The following CARS2 variants were observed in gnomAD, a reference collection of about 807,000 sequenced individuals.
CARS2 encodes cysteinyl-tRNA synthetase 2, mitochondrial, also known as probable cysteine--tRNA ligase, mitochondrial.
CARS2 carries 52 observed loss-of-function variants against 68.8 expected under a neutral mutation model. The ratio of observed to expected loss-of-function variants is 0.76; its 90% CI spans 0.61 to 0.95. The LOEUF (loss-of-function observed/expected upper bound fraction) is 0.95, where lower values mean the gene tolerates loss of function less well. Ranked by LOEUF, CARS2 falls within the 40% of genes least tolerant of loss-of-function variation. The pLI is 0.00. For missense variants in CARS2, 780 were observed against 754.2 expected (o/e 1.03, Z -0.40); for synonymous variants, 314 against 303.6 (o/e 1.03, Z -0.36).
chr13:110,644,635 C>T (rs1172258827), intron 12 of CARS2, 152 bp from the exon 13 acceptor site: 14 of 1,342,654 alleles, frequency 1.0e-5, no homozygotes, highest in Non-Finnish European at 1.4e-5. Context: ...GCTCTGGCAT[C>T]GGCTACCTCA....
chr13:110,694,169 G>A (rs111475165), intron 3 of CARS2, among the ~76,000 whole-genome samples: 64 of 151,992 alleles, frequency 4.2e-4, no homozygotes, highest in African/African-American at 1.3e-3. Context: ...TGGGATTACA[G>A]GCATGCACCA....
chr13:110,642,096 G>A (rs1812498296), intron 14 of CARS2, among the ~76,000 whole-genome samples: 1 of 152,192 alleles, frequency 6.6e-6, no homozygotes, highest in Non-Finnish European at 1.5e-5. Context: ...AGCTACTCAG[G>A]AGGCTGAGGC....
intron 11 of CARS2, 92 bp from the exon 12 acceptor site, chr13:110,646,182 G>C: frequency 6.9e-7 from 1 of 1,445,442 alleles, no homozygotes; most frequent in Non-Finnish European, 9.2e-7. Flanking sequence ...AGAGACGCTG[G>C]GGGCTCTAAT....
chr13:110,679,304 C>CG (rs1566710959), intron 6 of CARS2, among the ~76,000 whole-genome samples: 1 of 151,630 alleles, frequency 6.6e-6, no homozygotes, highest in Non-Finnish European at 1.5e-5. Context: ...CCGAGGCGGG[C>CG]GGATCACCTG....
At chr13:110,673,666 C>A (rs1237198765) in intron 7 of CARS2, among the ~76,000 whole-genome samples, 1 of 152,082 alleles carries the variant, frequency 6.6e-6, no homozygotes. Context: ...GACAGGGATG[C>A]CCTCTCTCAC....
chr13:110,705,493 T>C lies in CARS2; in HGVS notation c.275+28A>G. ...TTCAAAAATAAATGGTCCTTTGAAGTATGAAAATTCAAATCCAGGAAACTC... is the reference window on the plus strand; with the variant it reads ...TTCAAAAATAAATGGTCCTTTGAAGCATGAAAATTCAAATCCAGGAAACTC... On this transcript the variant is annotated intron_variant, in intron 2 of 14. Transcript: ENST00000257347. This position sits in a 1 kb window ranked among gnomAD's most constrained non-coding sequence, Gnocchi z 4.0. 1 of 1,542,786 alleles carries C rather than the reference T, an allele frequency of 6.5e-7. No individual in the cohort carries two copies. Among genetic ancestry groups the C allele is most frequent in the Non-Finnish European group, 8.8e-7 (1 of 1,133,916 alleles).
intron 2 of CARS2, among the ~76,000 whole-genome samples, chr13:110,702,295 C>T (rs1183615146): frequency 2.6e-5 from 4 of 152,194 alleles, no homozygotes; most frequent in Admixed American, 2.6e-4. Context: ...CCCTCCCTCT[C>T]CAAACACAGC....
At position 110,641,548 on chromosome 13, in the gene CARS2, A is replaced by C; in HGVS notation, c.1684T>G (p.Ser562Ala). The C allele has an allele frequency of 1.9e-6, 3 of 1,613,634 alleles. No homozygotes were observed. The Middle Eastern group carries it at 4.9e-4, about 266-fold the overall frequency. Residue 562 changes from serine (S) to alanine (A), a missense_variant, in exon 15 of 15, where the codon TCA becomes GCA. Transcript: ENST00000257347. ...LLDQRTKDQK[S>A]AG ...GCTGTGCTCCATCCTCAGCCCGCTGATTTTTGGTCTTTTGTCCTTTGATCC... is the reference window on the plus strand; with the variant it reads ...GCTGTGCTCCATCCTCAGCCCGCTGCTTTTTGGTCTTTTGTCCTTTGATCC...
At chr13:110,654,287 C>T (rs1252907751) in intron 9 of CARS2, among the ~76,000 whole-genome samples, 3 of 152,210 alleles carry the variant, frequency 2.0e-5, no homozygotes, top group African/African-American at 4.8e-5. Flanking sequence ...AAACCATTAT[C>T]TGAGCTCCAG....
At chr13:110,687,052 G>C (rs1284978124) in intron 5 of CARS2, among the ~76,000 whole-genome samples, 1 of 152,158 alleles carries the variant, frequency 6.6e-6, no homozygotes, top group African/African-American at 2.4e-5. Flanking sequence ...GAAGAGAGCA[G>C]GTCTCTGGAG....
intron 3 of CARS2, among the ~76,000 whole-genome samples, chr13:110,697,726 C>T (rs2063664909): frequency 6.6e-6 from 1 of 152,246 alleles, no homozygotes. Context: ...AGCCACTGCA[C>T]CCAGCCACAG....
At chr13:110,708,714 C>T (rs996005314), upstream of CARS2, among the ~76,000 whole-genome samples, 7 of 151,946 alleles carry the variant, frequency 4.6e-5, no homozygotes, top group African/African-American at 1.2e-4. Flanking sequence ...TACAAGTGCA[C>T]ACCACCGTGC....
chr13:110,671,455 A>G (rs928617486), intron 7 of CARS2, among the ~76,000 whole-genome samples: 8 of 152,240 alleles, frequency 5.3e-5, no homozygotes, highest in Non-Finnish European at 8.8e-5. Context: ...TTTCATATCC[A>G]GCCAAACTAA....
rs1485095536 is a variant in CARS2 at position 110,705,101 on chromosome 13, G to A, written c.275+420C>T. The stretch of plus-strand genomic sequence containing the variant: ...GCATTATTTACTAAAATTGTTATAA[G>A]ATCCAAGTTATCATTCCCATCTCAA... On this transcript the variant is annotated intron_variant, in intron 2 of 14. Transcript: ENST00000257347. The surrounding 1 kb of genome is among the most constrained non-coding windows in gnomAD (Gnocchi z 4.0). Among the ~76,000 whole-genome samples the A allele has an allele frequency of 6.6e-6, 1 of 152,162 alleles. No homozygotes were observed. Among genetic ancestry groups the A allele is most frequent in the Non-Finnish European group, 1.5e-5 (1 of 68,038 alleles).
At chr13:110,684,544 G>T (rs2063242393) in intron 5 of CARS2, among the ~76,000 whole-genome samples, 1 of 151,022 alleles carries the variant, frequency 6.6e-6, no homozygotes, top group Non-Finnish European at 1.5e-5. Context: ...ATGTCACCCG[G>T]CTTTGTTTGC....
intron 6 of CARS2, among the ~76,000 whole-genome samples, chr13:110,678,456 G>C (rs190744364): frequency 6.6e-6 from 1 of 152,120 alleles, no homozygotes; most frequent in African/African-American, 2.4e-5. Flanking sequence ...TGACACAGGC[G>C]TCCATCACCT....
At chr13:110,669,277 C>T (rs561883278) in intron 7 of CARS2, among the ~76,000 whole-genome samples, 9 of 152,232 alleles carry the variant, frequency 5.9e-5, no homozygotes, top group African/African-American at 2.2e-4. Context: ...CGACCCTACT[C>T]GGCGCTGAAT....
At position 110,701,420 on chromosome 13, in the gene CARS2, T is replaced by G. The variant is rs1199662789; in HGVS notation, c.393+18A>C. The G allele has an allele frequency of 9.3e-7, 1 of 1,079,722 alleles. No homozygotes were observed. The allele number at this position is 1,079,722 out of a possible 1,614,324, so 66.9% of individuals were successfully genotyped here. On this transcript the variant is annotated intron_variant, in intron 3 of 14. Transcript: ENST00000257347. ...TAATCAATGGCATTATCAATAGATG[T>G]AACTCTTCTCCACTTACCTCATTGG... is the stretch of plus-strand genomic sequence containing the variant.
chr13:110,665,084 G>A lies in CARS2; in HGVS notation c.920-1566C>T. 1 of 985,412 alleles carries A rather than the reference G, an allele frequency of 1.0e-6. No individual in the cohort carries two copies. The allele number at this position is 985,412 out of a possible 1,614,324, so 61.0% of individuals were successfully genotyped here. A position where few individuals can be genotyped will look rare whatever the true frequency, so the allele number is the denominator to read the frequency against. On this transcript the variant is annotated intron_variant, in intron 8 of 14. Transcript: ENST00000257347. This position sits in a 1 kb window ranked among gnomAD's most constrained non-coding sequence, Gnocchi z 4.3. Reference sequence around the variant, plus strand: ...GTCAGGAGACACTGATGTTTTGTTTGGGGCCAAACTAGTATGAAAAAGATC... The same window carrying A: ...GTCAGGAGACACTGATGTTTTGTTTAGGGCCAAACTAGTATGAAAAAGATC...
Sources: gnomAD v4.1 joint callset for allele counts (sites outside exome capture counted in the v4.1 genomes callset) on GRCh38, gnomAD v4.1.1 for gene constraint, Gnocchi (gnomAD v3.1) non-coding constraint, MANE v1.5 for transcripts, NCBI Gene and HGNC (gene_info 2026-07-23, HGNC 2026-07-21) for gene names.